The following FAM171B variants were observed in gnomAD, a reference collection of about 807,000 sequenced individuals.
FAM171B encodes protein FAM171B.
In FAM171B, 19 loss-of-function variants were observed where a neutral mutation model predicts 75.6. The ratio of observed to expected loss-of-function variants is 0.25; its 90% CI spans 0.18 to 0.37. The LOEUF is 0.37. Among genes scored for constraint, FAM171B ranks in the 10% least tolerant of loss-of-function variants. FAM171B has a pLI of 1.00. For synonymous variants in FAM171B, 367 were observed against 361.7 expected, an observed-to-expected ratio of 1.01 and a Z score of -0.17; for missense variants, 848 against 982.4, an observed-to-expected ratio of 0.86 and a Z score of 1.83.
chr2:186,715,683 C>T (rs1270091560), intron 1 of FAM171B, among the ~76,000 whole-genome samples: 2 of 152,088 alleles, frequency 1.3e-5, no homozygotes, highest in African/African-American at 4.8e-5. Context: ...ATGTAATTAC[C>T]TGCTTTTTGA....
intron 2 of FAM171B, among the ~76,000 whole-genome samples, chr2:186,741,496 C>A (rs1466338419): frequency 6.6e-6 from 1 of 151,844 alleles, no homozygotes; most frequent in East Asian, 1.9e-4. Context: ...ATGCCAAGAC[C>A]CTAACTAAAT....
chr2:186,712,854 A>G (rs1284305547), intron 1 of FAM171B, among the ~76,000 whole-genome samples: 1 of 152,204 alleles, frequency 6.6e-6, no homozygotes, highest in Admixed American at 6.5e-5. Flanking sequence ...TCCCAACATG[A>G]ATCCTTCTTT....
Position 186,761,589 on chromosome 2 carries a change from A to C in FAM171B, c.1247A>C (p.Lys416Thr). The C allele has an allele frequency of 6.2e-7, 1 of 1,613,408 alleles. No homozygotes were observed. ...TTHINHISTVKVALKAEDKSQ... is the reference protein window; with the variant it reads ...TTHINHISTVTVALKAEDKSQ... Reference sequence around the variant, plus strand: ...CACATAAATCATATCAGTACAGTTAAAGTTGCATTAAAAGCTGAGGACAAG... The same window carrying C: ...CACATAAATCATATCAGTACAGTTACAGTTGCATTAAAAGCTGAGGACAAG... The change falls in exon 8 of 8, where the codon AAA (lysine) becomes ACA (threonine). Residue 416 changes from lysine to threonine, a missense_variant. Around this residue, in one of 3 missense-constraint regions of FAM171B, gnomAD observed 665 missense variants for 729.0 expected, o/e 0.91. Coordinates refer to ENST00000304698, the MANE Select transcript of FAM171B (RefSeq NM_177454.4).
At chr2:186,746,569 C>T (rs1292429710) in intron 3 of FAM171B, among the ~76,000 whole-genome samples, 1 of 152,162 alleles carries the variant, frequency 6.6e-6, no homozygotes, top group Non-Finnish European at 1.5e-5. Flanking sequence ...AATGCTGCCT[C>T]GATTTTTAAA....
In FAM171B at chr2:186,763,103, G is replaced by A; in HGVS notation, c.*280G>A. ...GTTATCTGAAAATGTTGCTCAGCCA[G>A]CCAGTTTGGCCTTGACTCTCTTAAG... On this transcript the variant is annotated 3_prime_UTR_variant, in exon 8 of 8. Coordinates refer to ENST00000304698, the MANE Select transcript of FAM171B (RefSeq NM_177454.4). The A allele has an allele frequency of 3.0e-6, 1 of 330,686 alleles. No individual in the cohort carries two copies. The highest frequency in any genetic ancestry group is 5.5e-6 in the Non-Finnish European group (1 of 180,248). The allele number at this position is 330,686 out of a possible 1,614,324, so 20.5% of individuals were successfully genotyped here.
chr2:186,694,087 G>C lies in FAM171B; in HGVS notation c.-87G>C. The C allele has an allele frequency of 1.4e-6, 2 of 1,380,884 alleles. No homozygotes were observed. Among genetic ancestry groups the C allele is most frequent in the African/African-American group, 1.5e-5 (1 of 65,226 alleles). The allele number at this position is 1,380,884 out of a possible 1,614,324, so 85.5% of individuals were successfully genotyped here. On this transcript the variant is annotated 5_prime_UTR_variant, in exon 1 of 8. Coordinates refer to ENST00000304698, the MANE Select transcript of FAM171B (RefSeq NM_177454.4). ...AGATTGCGCGAGGGGGAGCGAGCGA[G>C]CGGGCGCTGCCAGGAGCCCGCAGCC...
intron 1 of FAM171B, among the ~76,000 whole-genome samples, chr2:186,736,166 C>T (rs898773353): frequency 1.3e-5 from 2 of 152,146 alleles, no homozygotes; most frequent in African/African-American, 4.8e-5. Flanking sequence ...CTTTGCTTTT[C>T]TCAATCAATT....
At chr2:186,755,555 T>C (rs1167177725) in intron 6 of FAM171B, among the ~76,000 whole-genome samples, 1 of 152,200 alleles carries the variant, frequency 6.6e-6, no homozygotes, top group Non-Finnish European at 1.5e-5. Flanking sequence ...ATCCAGAACA[T>C]GGATGACATT....
In FAM171B at chr2:186,723,329, A is replaced by G. The variant is rs79190881; in HGVS notation, c.239-16899A>G. On this transcript the variant is annotated intron_variant, in intron 1 of 7. Transcript: ENST00000304698. Reference sequence around the variant, plus strand: ...CACCTGGAGGATGAACAATACTGTTAAAAGATTCCCAACAAATGACTCTTT... The same window carrying G: ...CACCTGGAGGATGAACAATACTGTTGAAAGATTCCCAACAAATGACTCTTT... 0.014 allele frequency among the ~76,000 whole-genome samples: 2,112 copies of G among 152,340 alleles called. 102 individuals are homozygous for G. The East Asian group carries it at 0.2, about 14-fold the overall frequency.
At chr2:186,698,153 G>A (rs901392335) in intron 1 of FAM171B, among the ~76,000 whole-genome samples, 1 of 152,138 alleles carries the variant, frequency 6.6e-6, no homozygotes, top group African/African-American at 2.4e-5. Flanking sequence ...TGGCCCATTA[G>A]ATGGGAGGCA....
chr2:186,697,947 A>G (rs1574517401), intron 1 of FAM171B, among the ~76,000 whole-genome samples: 1 of 152,362 alleles, frequency 6.6e-6, no homozygotes, highest in East Asian at 1.9e-4. Flanking sequence ...ATTAACTTAT[A>G]AAAACTCCAT....
chr2:186,745,045 G>C (rs1690347156), intron 3 of FAM171B, among the ~76,000 whole-genome samples: 1 of 152,026 alleles, frequency 6.6e-6, no homozygotes, highest in Non-Finnish European at 1.5e-5. Flanking sequence ...GGCCAGGCTG[G>C]TCTCAAACTC....
intron 1 of FAM171B, among the ~76,000 whole-genome samples, chr2:186,733,665 G>C (rs1051984261): frequency 2.0e-5 from 3 of 152,180 alleles, no homozygotes; most frequent in Admixed American, 6.5e-5. Context: ...TGAGTGGGGG[G>C]TGTGTGAATG....
intron 2 of FAM171B, among the ~76,000 whole-genome samples, chr2:186,742,427 T>G (rs1184874596): frequency 2.0e-5 from 3 of 152,190 alleles, no homozygotes; most frequent in Non-Finnish European, 4.4e-5. Flanking sequence ...TGTTAATATA[T>G]TCTGAAATTG....
intron 1 of FAM171B, among the ~76,000 whole-genome samples, chr2:186,713,797 T>C (rs2105775934): frequency 6.6e-6 from 1 of 152,346 alleles, no homozygotes; most frequent in Non-Finnish European, 1.5e-5. Context: ...GAAAAATATA[T>C]TTGAAAGCCA....
chr2:186,751,519 C>A (rs1008507906), intron 5 of FAM171B, among the ~76,000 whole-genome samples: 6 of 152,102 alleles, frequency 3.9e-5, no homozygotes, highest in African/African-American at 1.4e-4. Context: ...ATTATTTATT[C>A]ATTCCCTTAC....
intron 1 of FAM171B, among the ~76,000 whole-genome samples, chr2:186,706,441 G>A (rs1203158294): frequency 1.3e-5 from 2 of 152,180 alleles, no homozygotes; most frequent in Admixed American, 6.5e-5. Context: ...AAATGCAAGA[G>A]ACTATGAAGA....
intron 2 of FAM171B, 101 bp from the exon 3 acceptor site, chr2:186,743,382 C>CG (rs35021583): frequency 7.8e-5 from 56 of 715,748 alleles, no homozygotes; most frequent in Admixed American, 2.1e-4. Flanking sequence ...TGTTCCCCCC[C>CG]ACAACACACT....
At chr2:186,714,927 G>A (rs1043419969) in intron 1 of FAM171B, among the ~76,000 whole-genome samples, 29 of 152,180 alleles carry the variant, frequency 1.9e-4, no homozygotes, top group African/African-American at 6.8e-4. Flanking sequence ...TTAACCCAAA[G>A]CAGTTTGTGT....
Sources: gnomAD v4.1 joint callset for allele counts (sites outside exome capture counted in the v4.1 genomes callset) on GRCh38, gnomAD v4.1.1 for gene constraint, gnomAD v4.1.1 regional missense constraint, MANE v1.5 for transcripts, NCBI Gene and HGNC (gene_info 2026-07-23, HGNC 2026-07-21) for gene names.